The following CCDC3 variants were observed in gnomAD, a reference collection of about 807,000 sequenced individuals.
CCDC3 encodes coiled-coil domain containing 3.
CCDC3 carries 24 observed loss-of-function variants against 21.4 expected under a neutral mutation model. That is an observed-to-expected ratio of 1.12 (90% CI 0.81 to 1.58). The LOEUF (loss-of-function observed/expected upper bound fraction) is 1.58. Ranked by LOEUF, CCDC3 falls within the 40% of genes most tolerant of loss-of-function variation. The pLI, the probability that CCDC3 is intolerant of heterozygous loss-of-function variation, is 0.00. For synonymous variants in CCDC3, 186 were observed against 166.0 expected, an observed-to-expected ratio of 1.12 and a Z score of -0.93; for missense variants, 425 against 360.9, an observed-to-expected ratio of 1.18 and a Z score of -1.44.
intron 5 of CCDC3, among the ~76,000 whole-genome samples, chr10:13,046,470 G>A (rs1836531389): frequency 1.3e-5 from 2 of 151,870 alleles, no homozygotes; most frequent in South Asian, 4.2e-4. Context: ...ACTTTGGGAG[G>A]CCGAGGTGGA....
chr10:13,011,944 G>A (rs1447227126), intron 5 of CCDC3, among the ~76,000 whole-genome samples: 2 of 152,104 alleles, frequency 1.3e-5, no homozygotes, highest in East Asian at 1.9e-4. Context: ...ACAAGCAACG[G>A]GAAAAGGACT....
chr10:12,935,582 T>G (rs1314234976), intron 2 of CCDC3, among the ~76,000 whole-genome samples: 1 of 152,240 alleles, frequency 6.6e-6, no homozygotes, highest in Non-Finnish European at 1.5e-5. Flanking sequence ...TCATTTTCTC[T>G]TTCTTAGCAT....
chr10:12,983,130 G>GTA (rs57120940), intron 2 of CCDC3, among the ~76,000 whole-genome samples: 6 of 29,078 alleles, frequency 2.1e-4, no homozygotes, highest in African/African-American at 5.9e-4. Flanking sequence ...ATAAAATAGT[G>GTA]TATATATATA....
At chr10:13,053,961 A>T (rs1157165798) in intron 4 of CCDC3, among the ~76,000 whole-genome samples, 4 of 152,126 alleles carry the variant, frequency 2.6e-5, no homozygotes, top group Admixed American at 2.0e-4. Context: ...CCTGGCCAAC[A>T]TGGCAAAAGC....
chr10:12,957,475 C>T (rs11258085), intron 2 of CCDC3, among the ~76,000 whole-genome samples: 78,105 of 151,912 alleles, frequency 0.51, 22,648 homozygotes, highest in Non-Finnish European at 0.65. Flanking sequence ...CAAAGAAAGC[C>T]GACGACATAG....
At chr10:13,048,375 C>G (rs544709817) in intron 5 of CCDC3, among the ~76,000 whole-genome samples, 3 of 152,022 alleles carry the variant, frequency 2.0e-5, no homozygotes, top group Admixed American at 2.0e-4. Context: ...TGTATTTTTA[C>G]TAGAGACGGG....
At chr10:12,930,674 C>T (rs565667027) in intron 2 of CCDC3, among the ~76,000 whole-genome samples, 1 of 152,128 alleles carries the variant, frequency 6.6e-6, no homozygotes. Flanking sequence ...TCGGAAATAC[C>T]TTTCATTGTG....
intron 2 of CCDC3, among the ~76,000 whole-genome samples, chr10:12,911,120 C>G (rs1277219151): frequency 2.6e-5 from 4 of 152,200 alleles, no homozygotes; most frequent in Non-Finnish European, 4.4e-5. Context: ...CAGGTTCATT[C>G]TCATCCTGGT....
chr10:12,909,698 C>T (rs755449857), intron 2 of CCDC3, among the ~76,000 whole-genome samples: 10 of 152,136 alleles, frequency 6.6e-5, no homozygotes, highest in Admixed American at 2.6e-4. Context: ...CGTGGACTAA[C>T]GGTGCAGGGT....
chr10:13,094,322 G>T (rs758542772), intron 3 of CCDC3, among the ~76,000 whole-genome samples: 2 of 151,706 alleles, frequency 1.3e-5, no homozygotes, highest in African/African-American at 2.4e-5. Flanking sequence ...GCAATGGCAC[G>T]ATCTCGGCTC....
intron 5 of CCDC3, among the ~76,000 whole-genome samples, chr10:13,017,345 C>G (rs922251551): frequency 2.0e-5 from 3 of 151,706 alleles, no homozygotes; most frequent in African/African-American, 7.3e-5. Flanking sequence ...GGTAAAACTT[C>G]ACCTCTACTA....
intron 2 of CCDC3, among the ~76,000 whole-genome samples, chr10:12,939,074 C>T (rs116284376): frequency 6.8e-6 from 1 of 146,032 alleles, no homozygotes; most frequent in African/African-American, 2.8e-5. Flanking sequence ...TTCTGCCCAG[C>T]CTTTACGTGC....
Position 13,098,353 on chromosome 10 carries a change from AC to A in CCDC3, c.-503+171del, listed in dbSNP as rs371381918. Among the ~76,000 whole-genome samples, 603 of 151,966 alleles carry A rather than the reference AC, an allele frequency of 4.0e-3. 5 individuals carry two copies. The highest frequency in any genetic ancestry group is 0.013 in the African/African-American group (553 of 41,410). The stretch of plus-strand genomic sequence containing the variant: ...TTGCTTGAGACAAAGTCTCCCTCTC[AC>A]CCAAGCTGGAGTGCAGTGCTGCAAT... On this transcript the variant is annotated intron_variant, in intron 3 of 6. Coordinates refer to the CCDC3 transcript ENST00000378839.
At chr10:12,948,790 T>C (rs1368153666) in intron 2 of CCDC3, among the ~76,000 whole-genome samples, 2 of 132,510 alleles carry the variant, frequency 1.5e-5, no homozygotes, top group African/African-American at 5.6e-5. Context: ...TGGACTGCAG[T>C]GGCCTATCTC....
At chr10:12,970,941 G>C (rs1178622345) in intron 2 of CCDC3, among the ~76,000 whole-genome samples, 1 of 151,712 alleles carries the variant, frequency 6.6e-6, no homozygotes, top group East Asian at 1.9e-4. Flanking sequence ...CAACTATAAA[G>C]CACTTCGCAA....
chr10:12,899,489 C>T (rs558354770), intron 2 of CCDC3, among the ~76,000 whole-genome samples: 1 of 152,124 alleles, frequency 6.6e-6, no homozygotes, highest in Non-Finnish European at 1.5e-5. Flanking sequence ...TATGTGCAAG[C>T]TGCCACATGT....
chr10:13,073,768 TGAGCCACGGTGGCCTG>T, intron 4 of CCDC3: 1 of 152,334 alleles, frequency 6.6e-6, no homozygotes. Context: ...ATTACAGGCA[TGAGCCACGGTGGCCTG>T]CCCAAGACAT....
At chr10:13,072,521 T>C (rs61851389) in intron 4 of CCDC3, among the ~76,000 whole-genome samples, 32,603 of 152,072 alleles carry the variant, frequency 0.21, 4,164 homozygotes, top group Admixed American at 0.29. Context: ...TGCCCAGGGC[T>C]TCATCTGAGC....
chr10:13,021,742 T>C (rs918059930), intron 5 of CCDC3, among the ~76,000 whole-genome samples: 1 of 152,024 alleles, frequency 6.6e-6, no homozygotes, highest in Non-Finnish European at 1.5e-5. Context: ...CCTACTCCTC[T>C]CCTCTATTTT....
Sources: allele counts gnomAD v4.1 joint callset (sites outside exome capture counted in the v4.1 genomes callset), GRCh38; gene constraint gnomAD v4.1.1; transcripts MANE v1.5; gene names NCBI Gene and HGNC (gene_info 2026-07-23, HGNC 2026-07-21).